Variants in PPP1CB observed in about 807,000 individuals in gnomAD.
PPP1CB encodes the protein serine/threonine-protein phosphatase PP1-beta catalytic subunit.
In PPP1CB, 2 loss-of-function variants were observed where a neutral mutation model predicts 43.7. The ratio of observed to expected loss-of-function variants is 0.05; its 90% CI spans 0.02 to 0.14. The LOEUF (loss-of-function observed/expected upper bound fraction) is 0.14. Ranked by LOEUF, PPP1CB falls within the 10% of genes least tolerant of loss-of-function variation. PPP1CB has a pLI of 1.00. For missense variants in PPP1CB, 84 were observed against 398.0 expected (o/e 0.21, Z 6.71); for synonymous variants, 136 against 135.6 (o/e 1.00, Z -0.02).
intron 2 of PPP1CB, chr2:28,777,237 G>A (rs961127057): frequency 1.5e-5 from 3 of 206,042 alleles, no homozygotes; most frequent in Non-Finnish European, 1.9e-5. Context: ...AGAGAAAGGC[G>A]ATACAGTATA....
intron 1 of PPP1CB, among the ~76,000 whole-genome samples, chr2:28,758,849 A>C (rs1008141976): frequency 6.6e-6 from 1 of 152,240 alleles, no homozygotes; most frequent in Non-Finnish European, 1.5e-5. Flanking sequence ...CATATCCCAG[A>C]GGGAATAGCG....
intron 1 of PPP1CB, among the ~76,000 whole-genome samples, chr2:28,761,985 T>G (rs536137951): frequency 6.6e-6 from 1 of 152,310 alleles, no homozygotes; most frequent in South Asian, 2.1e-4. Flanking sequence ...ACTGAGAATT[T>G]AAAAATTTCT....
chr2:28,771,975 CAAAAAAA>C (rs145379596), intron 1 of PPP1CB, among the ~76,000 whole-genome samples: 11 of 134,854 alleles, frequency 8.2e-5, no homozygotes, highest in Non-Finnish European at 1.6e-4. Flanking sequence ...CGAACTTGTC[CAAAAAAA>C]AAAAAAAAGA....
rs1426741680 is a variant in PPP1CB, at chr2:28,799,592, G to C, written c.*289G>C. The C allele has an allele frequency of 3.7e-6, 1 of 268,512 alleles. No homozygotes were observed. The allele number at this position is 268,512 out of a possible 1,614,324, so 16.6% of individuals were successfully genotyped here. ...ATTTTTAAAGTTGAAAAGCATCCCA[G>C]TTAAACTAGATGTGATAGTTAAACC... On this transcript the variant is annotated 3_prime_UTR_variant, in exon 8 of 8. Transcript: ENST00000395366.
chr2:28,799,156 G>A, intron 7 of PPP1CB, 43 bp from the exon 8 acceptor site: 1 of 1,336,064 alleles, frequency 7.5e-7, no homozygotes, highest in East Asian at 2.4e-5. Context: ...CTTAACTTCT[G>A]TACATGAAAA....
At chr2:28,784,862 G>A (rs1667226601) in intron 5 of PPP1CB, among the ~76,000 whole-genome samples, 1 of 141,250 alleles carries the variant, frequency 7.1e-6, no homozygotes, top group South Asian at 2.3e-4. Context: ...AGAGGTTGCA[G>A]TGAGCCGAGA....
At chr2:28,764,446 C>T (rs1262298654) in intron 1 of PPP1CB, among the ~76,000 whole-genome samples, 10 of 145,078 alleles carry the variant, frequency 6.9e-5, no homozygotes, top group East Asian at 4.0e-4. Context: ...GGCAACAGGG[C>T]GAGACTCCAT....
chr2:28,774,937 G>C (rs750535552), intron 1 of PPP1CB, among the ~76,000 whole-genome samples: 1 of 152,076 alleles, frequency 6.6e-6, no homozygotes, highest in African/African-American at 2.4e-5. Context: ...TAGCATATTT[G>C]CTAAAGCACA....
intron 4 of PPP1CB, chr2:28,782,710 G>A (rs911449389): frequency 1.3e-5 from 2 of 152,172 alleles, no homozygotes; most frequent in African/African-American, 2.4e-5. Flanking sequence ...ATTGAGCAAC[G>A]GAGTTTGTTG....
intron 3 of PPP1CB, among the ~76,000 whole-genome samples, chr2:28,780,618 A>G (rs934717154): frequency 6.6e-6 from 1 of 152,194 alleles, no homozygotes; most frequent in African/African-American, 2.4e-5. Flanking sequence ...AATGACATCA[A>G]ATGAAATAAT....
intron 3 of PPP1CB, 71 bp downstream of exon 3, chr2:28,779,110 G>A (rs1667094890): frequency 5.0e-6 from 6 of 1,206,246 alleles, no homozygotes; most frequent in Admixed American, 2.3e-5. Context: ...GTTCAGAAGA[G>A]TTGCTTTGAT....
At chr2:28,792,848 A>G (rs1012907629) in intron 6 of PPP1CB, among the ~76,000 whole-genome samples, 1 of 152,182 alleles carries the variant, frequency 6.6e-6, no homozygotes, top group African/African-American at 2.4e-5. Flanking sequence ...GTGTTCCTCA[A>G]ATTTGTAGAC....
intron 3 of PPP1CB, among the ~76,000 whole-genome samples, chr2:28,779,456 ATAT>A (rs1477520225): frequency 2.0e-5 from 3 of 152,236 alleles, no homozygotes; most frequent in African/African-American, 4.8e-5. Flanking sequence ...TCAAAGTTTA[ATAT>A]TATTAGAATT....
intron 1 of PPP1CB, among the ~76,000 whole-genome samples, chr2:28,772,311 A>T (rs185264317): frequency 4.4e-3 from 672 of 152,276 alleles, no homozygotes; most frequent in Admixed American, 8.8e-3. Context: ...AAAAAGAAAA[A>T]AAAGGGTACT....
intron 1 of PPP1CB, among the ~76,000 whole-genome samples, chr2:28,757,702 G>A (rs756489529): frequency 3.3e-5 from 5 of 152,040 alleles, no homozygotes; most frequent in Non-Finnish European, 7.4e-5. Context: ...ATAAGGTCGT[G>A]GCATATTTTT....
At chr2:28,788,035 C>T (rs768792828) in intron 5 of PPP1CB, among the ~76,000 whole-genome samples, 6 of 150,390 alleles carry the variant, frequency 4.0e-5, no homozygotes, top group Non-Finnish European at 7.4e-5. Flanking sequence ...TTTTTTCGCT[C>T]AAGTGATCTG....
At chr2:28,792,076 C>T (rs1445083160) in intron 6 of PPP1CB, among the ~76,000 whole-genome samples, 2 of 152,088 alleles carry the variant, frequency 1.3e-5, no homozygotes, top group Non-Finnish European at 2.9e-5. Context: ...CACCGTGGCT[C>T]ACGCCTGAAG....
At chr2:28,797,042 G>A (rs892657110) in intron 7 of PPP1CB, among the ~76,000 whole-genome samples, 11 of 152,024 alleles carry the variant, frequency 7.2e-5, no homozygotes, top group Non-Finnish European at 8.8e-5. Flanking sequence ...ATGATCATAT[G>A]GTGTTTGTTT....
chr2:28,754,396 TA>T (rs1175709755), intron 1 of PPP1CB, among the ~76,000 whole-genome samples: 1 of 151,880 alleles, frequency 6.6e-6, no homozygotes, highest in Non-Finnish European at 1.5e-5. Context: ...TCTCTTAATT[TA>T]GCAAGCGTTA....
Sources: gnomAD v4.1 joint callset for allele counts (sites outside exome capture counted in the v4.1 genomes callset) on GRCh38, gnomAD v4.1.1 for gene constraint, MANE v1.5 for transcripts, NCBI Gene and HGNC (gene_info 2026-07-23, HGNC 2026-07-21) for gene names.